The following CENPE variants were observed in gnomAD, a reference collection of about 807,000 sequenced individuals.
The protein encoded by CENPE is centromere-associated protein E.
A neutral mutation model predicts 336.1 loss-of-function variants in CENPE; 145 were observed. That is an observed-to-expected ratio of 0.43 (90% CI 0.38 to 0.50). CENPE has a LOEUF of 0.50. Among genes scored for constraint, CENPE ranks in the 20% least tolerant of loss-of-function variants. The pLI, the probability that CENPE is intolerant of heterozygous loss-of-function variation, is 0.00. For synonymous variants in CENPE, 1,013 were observed against 984.8 expected (o/e 1.03, Z -0.54); for missense variants, 2,719 against 3,023.3 (o/e 0.90, Z 2.36).
intron 8 of CENPE, among the ~76,000 whole-genome samples, chr4:103,190,539 G>C (rs1311407664): frequency 6.6e-6 from 1 of 152,164 alleles, no homozygotes; most frequent in African/African-American, 2.4e-5. Flanking sequence ...ACAAGAAATG[G>C]AGAAAGGATT....
At chr4:103,143,003 C>CAAAAAA (rs1168385683) in intron 34 of CENPE, among the ~76,000 whole-genome samples, 14 of 62,948 alleles carry the variant, frequency 2.2e-4, no homozygotes, top group South Asian at 1.4e-3. Flanking sequence ...GACTCTGTCT[C>CAAAAAA]AAAAAAAAAA....
chr4:103,165,842 A>G (rs1395229375), intron 16 of CENPE, among the ~76,000 whole-genome samples: 1 of 151,278 alleles, frequency 6.6e-6, no homozygotes, highest in African/African-American at 2.4e-5. Context: ...TTTTTTAATT[A>G]TATGTCTTTT....
intron 18 of CENPE, among the ~76,000 whole-genome samples, chr4:103,162,265 CAGA>C (rs991011958): frequency 6.6e-6 from 1 of 151,592 alleles, no homozygotes; most frequent in Non-Finnish European, 1.5e-5. Flanking sequence ...CAACTGAAAA[CAGA>C]AGAACAGAAA....
Position 103,182,859 on chromosome 4 carries a change from GT to G in CENPE, c.865del (p.Thr289HisfsTer41). The G allele has an allele frequency of 6.2e-7, 1 of 1,612,402 alleles. No individual in the cohort carries two copies. Among genetic ancestry groups the G allele is most frequent in the Admixed American group, 1.7e-5 (1 of 59,958 alleles). On this transcript the variant is annotated frameshift_variant, in exon 11 of 49. Transcript: ENST00000265148. LOFTEE classifies it high-confidence loss of function. Reference protein sequence around the residue: ...GFINYRDSKLTRILQNSLGGN... With the variant: ...GFINYRDSKLXRILQNSLGGN... ...TCCCAAGGAATTCTGGAGAATTCGT[GT>G]TAACTTGCTATCTCGATAATTTATG...
chr4:103,118,611 G>A (rs1253424507), intron 44 of CENPE, among the ~76,000 whole-genome samples: 3 of 152,060 alleles, frequency 2.0e-5, no homozygotes, highest in Non-Finnish European at 4.4e-5. Context: ...CCAAACCCAA[G>A]GTCACTTAGA....
At chr4:103,170,129 G>T (rs960639342) in intron 16 of CENPE, among the ~76,000 whole-genome samples, 3 of 152,106 alleles carry the variant, frequency 2.0e-5, no homozygotes, top group Admixed American at 6.6e-5. Flanking sequence ...ACTGGGGCCT[G>T]TTGGGGATTG....
intron 16 of CENPE, among the ~76,000 whole-genome samples, chr4:103,168,762 C>T (rs1004107666): frequency 2.0e-5 from 3 of 152,296 alleles, no homozygotes; most frequent in South Asian, 4.1e-4. Flanking sequence ...CTCTGCCCAC[C>T]TGGGGACCTA....
chr4:103,195,853 C>G (rs1173145978), intron 4 of CENPE, 67 bp downstream of exon 4: 5 of 916,390 alleles, frequency 5.5e-6, no homozygotes, highest in Non-Finnish European at 7.3e-6. Flanking sequence ...GAGAAATACA[C>G]TAAGACTGGT....
At position 103,141,861 on chromosome 4, in the gene CENPE, T is replaced by C. The variant is rs761817511; in HGVS notation, c.5352A>G (p.Lys1784=). The C allele has an allele frequency of 2.5e-6, 4 of 1,605,320 alleles. No individual in the cohort carries two copies. In the Admixed American group the frequency reaches 5.1e-5, roughly 20 times the overall value. Residue 1784 remains lysine (K), a synonymous_variant, in exon 35 of 49, where the codon AAA becomes AAG. Transcript: ENST00000265148. ...EELRIAHMHL[K]EQQETIDKLR... is the part of the protein sequence containing the mutation. ...GTTTGTCAATAGTTTCCTGCTGCTC[T>C]TTCAGATGCATGTGAGCAATTCTTA...
chr4:103,157,677 T>G (rs72946161), intron 24 of CENPE, among the ~76,000 whole-genome samples: 201 of 152,132 alleles, frequency 1.3e-3, no homozygotes, highest in African/African-American at 4.7e-3. Flanking sequence ...TGAATGAATT[T>G]TACACTAGTG....
intron 16 of CENPE, among the ~76,000 whole-genome samples, chr4:103,166,774 C>T (rs1270436498): frequency 3.9e-5 from 6 of 152,152 alleles, no homozygotes; most frequent in East Asian, 3.9e-4. Flanking sequence ...GGGATGTTCA[C>T]GAATCACTTT....
At chr4:103,109,635 C>A (rs2623064) in intron 47 of CENPE, among the ~76,000 whole-genome samples, 53,559 of 151,938 alleles carry the variant, frequency 0.35, 9,630 homozygotes, top group Middle Eastern at 0.48. Flanking sequence ...TCTTGATACA[C>A]TCTCATCCTA....
chr4:103,161,589 T>C (rs1459217584), intron 18 of CENPE, 132 bp from the exon 19 acceptor site: 2 of 673,736 alleles, frequency 3.0e-6, no homozygotes, highest in Non-Finnish European at 4.4e-6. Context: ...ACCAAATATA[T>C]AAAAAGAAAT....
intron 46 of CENPE, 82 bp downstream of exon 46, chr4:103,114,373 T>A (rs1338385676): frequency 7.4e-6 from 6 of 813,186 alleles, no homozygotes; most frequent in African/African-American, 1.7e-5. Flanking sequence ...GACTGTCACA[T>A]ACTACATAAT....
chr4:103,143,003 C>CAA (rs1168385683), intron 34 of CENPE, among the ~76,000 whole-genome samples: 11,094 of 62,718 alleles, frequency 0.18, 1,049 homozygotes, highest in Non-Finnish European at 0.23. Flanking sequence ...GACTCTGTCT[C>CAA]AAAAAAAAAA....
chr4:103,132,675 G>A lies in CENPE; in HGVS notation c.6924+18C>T. On this transcript the variant is annotated intron_variant, in intron 42 of 48. Coordinates refer to ENST00000265148, the MANE Select transcript of CENPE (RefSeq NM_001813.3). ...CAAACAGCAACAAAAAAGTAGTACA[G>A]CAAAAAGTAATACTTACAATTATTC... The A allele has an allele frequency of 3.0e-6, 4 of 1,324,754 alleles. No homozygotes were observed. The highest frequency in any genetic ancestry group is 4.2e-6 in the Non-Finnish European group (4 of 959,174). 82.1% of individuals were successfully genotyped at this position (1,324,754 alleles called of 1,614,324 possible). A position where few individuals can be genotyped will look rare whatever the true frequency, so the allele number is the denominator to read the frequency against.
At position 103,181,453 on chromosome 4, in the gene CENPE, C is replaced by T. The variant is rs1480288363; in HGVS notation, c.967G>A (p.Ala323Thr). 6 of 1,552,178 alleles carry T rather than the reference C, an allele frequency of 3.9e-6. No homozygotes were observed. Among genetic ancestry groups the T allele is most frequent in the Non-Finnish European group, 5.2e-6 (6 of 1,157,270 alleles). Residue 323 changes from alanine (A) to threonine (T), a missense_variant, in exon 12 of 49, where the codon GCC (alanine) becomes ACC (threonine). Around this residue, in one of 5 missense-constraint regions of CENPE, gnomAD observed 117 missense variants for 215.8 expected, o/e 0.54. Coordinates refer to ENST00000265148, the MANE Select transcript of CENPE (RefSeq NM_001813.3). ...FDETLTALQF[A>T]STAKYMKNTP... ...TTCTTCATATATTTAGCAGTACTGGCAAACTGGAAAAAAAATACGAAAGTG... is the reference window on the plus strand; with the variant it reads ...TTCTTCATATATTTAGCAGTACTGGTAAACTGGAAAAAAAATACGAAAGTG...
chr4:103,141,876 A>C lies in CENPE; in HGVS notation c.5337T>G (p.Ala1779=), dbSNP rs1752593640. The C allele has an allele frequency of 6.2e-7, 1 of 1,603,534 alleles. No homozygotes were observed. The highest frequency in any genetic ancestry group is 8.5e-7 in the Non-Finnish European group (1 of 1,174,268). ...CCTGCTGCTCTTTCAGATGCATGTG[A>C]GCAATTCTTAGTTCCTCTTGTATTT... The part of the protein sequence containing the change: ...DLKIQEELRI[A]HMHLKEQQET... The change falls in exon 35 of 49, where the codon GCT becomes GCG. Residue 1779 remains alanine (A), a synonymous_variant. Coordinates refer to ENST00000265148, the MANE Select transcript of CENPE (RefSeq NM_001813.3).
At position 103,160,750 on chromosome 4, in the gene CENPE, T is replaced by C; in HGVS notation, c.2161A>G (p.Lys721Glu). 2 of 1,602,566 alleles carry C rather than the reference T, an allele frequency of 1.2e-6. No individual in the cohort carries two copies. The highest frequency in any genetic ancestry group is 1.7e-6 in the Non-Finnish European group (2 of 1,174,982). ...DLLCNLELEG[K>E]ITDLQKELNK... is the part of the protein sequence containing the mutation. ...AGTTCTTTCTGAAGATCAGTAATCT[T>C]TCCTTCCAATTCCAAATTACAGAGC... The change falls in exon 21 of 49, where the codon AAG becomes GAG. Residue 721 changes from lysine to glutamate, a missense_variant. By Grantham distance (56) the Lys-to-Glu change is moderately conservative. Coordinates refer to ENST00000265148, the MANE Select transcript of CENPE (RefSeq NM_001813.3).
Sources: allele counts gnomAD v4.1 joint callset (sites outside exome capture counted in the v4.1 genomes callset), GRCh38; gene constraint gnomAD v4.1.1; regional missense constraint gnomAD v4.1.1; transcripts MANE v1.5; gene names NCBI Gene and HGNC (gene_info 2026-07-23, HGNC 2026-07-21).